Variants in CDH2 observed in about 807,000 individuals in gnomAD.
CDH2 encodes cadherin-2.
CDH2 carries 17 observed loss-of-function variants against 92.0 expected under a neutral mutation model. The ratio of observed to expected loss-of-function variants is 0.18; its 90% CI spans 0.13 to 0.28. CDH2 has a LOEUF of 0.28. Ranked by LOEUF, CDH2 falls within the 10% of genes least tolerant of loss-of-function variation. The pLI is 1.00. For missense variants in CDH2, 862 were observed against 1,133.1 expected (o/e 0.76, Z 3.44); for synonymous variants, 419 against 415.9 (o/e 1.01, Z -0.09).
chr18:27,952,529 T>C (rs1909511941), intron 15 of CDH2, among the ~76,000 whole-genome samples, 170 bp from the exon 16 acceptor site: 1 of 152,038 alleles, frequency 6.6e-6, no homozygotes, highest in African/African-American at 2.4e-5. Flanking sequence ...CATTTGAAAG[T>C]TGGACAAAAA....
In CDH2 at chr18:27,993,710, G is replaced by A. The variant is rs17498092; in HGVS notation, c.1021-73C>T. On this transcript the variant is annotated intron_variant, in intron 7 of 15. Coordinates refer to ENST00000269141, the MANE Select transcript of CDH2 (RefSeq NM_001792.5). Reference sequence around the variant, plus strand: ...AAGACATAACAGTTGTTCTGTAAACGGCTCTTTATAATGCAAGGAGAGCAT... The same window carrying A: ...AAGACATAACAGTTGTTCTGTAAACAGCTCTTTATAATGCAAGGAGAGCAT... 2.3e-5 allele frequency: 27 copies of A among 1,166,364 alleles called. No individual in the cohort carries two copies. The East Asian group carries it at 5.9e-4, about 26-fold the overall frequency. The allele number at this position is 1,166,364 out of a possible 1,614,324, so 72.3% of individuals were successfully genotyped here. A position where few individuals can be genotyped will look rare whatever the true frequency, so the allele number is the denominator to read the frequency against.
intron 2 of CDH2, among the ~76,000 whole-genome samples, chr18:28,019,714 T>C (rs963477245): frequency 4.6e-5 from 7 of 152,108 alleles, no homozygotes; most frequent in Admixed American, 1.3e-4. Context: ...CCAATATGAA[T>C]TGGTTTAATA....
intron 2 of CDH2, among the ~76,000 whole-genome samples, chr18:28,027,295 A>G (rs906384056): frequency 1.2e-4 from 18 of 151,946 alleles, no homozygotes; most frequent in African/African-American, 4.3e-4. Flanking sequence ...TCAGAATCAA[A>G]CTTGTTGTAG....
chr18:27,973,611 T>C (rs543465376), intron 14 of CDH2, among the ~76,000 whole-genome samples: 10 of 152,104 alleles, frequency 6.6e-5, no homozygotes, highest in Non-Finnish European at 1.5e-4. Flanking sequence ...GTGGGTGAGG[T>C]AAAAAGGGTT....
chr18:27,991,020 T>C (rs1383456700), intron 9 of CDH2, among the ~76,000 whole-genome samples: 4 of 152,126 alleles, frequency 2.6e-5, no homozygotes, highest in Non-Finnish European at 4.4e-5. Context: ...TATTGGTCTG[T>C]AAAACCCCCA....
intron 7 of CDH2, among the ~76,000 whole-genome samples, chr18:27,994,731 C>A (rs1377714161): frequency 6.6e-6 from 1 of 151,858 alleles, no homozygotes; most frequent in Non-Finnish European, 1.5e-5. Context: ...ATTTCTGGAG[C>A]TTAGATAGAA....
rs200798903 is a variant in CDH2 at position 28,003,124 on chromosome 18, T to A, written c.893A>T (p.Asn298Ile). The A allele has an allele frequency of 6.8e-6, 11 of 1,613,032 alleles. No individual in the cohort carries two copies. Among genetic ancestry groups the A allele is most frequent in the Admixed American group, 1.7e-5 (1 of 59,996 alleles). The change falls in exon 7 of 16, where the codon AAT (asparagine) becomes ATT (isoleucine). Residue 298 changes from asparagine (N) to isoleucine (I), a missense_variant. By Grantham distance (149) the Asn-to-Ile change is moderately radical. Transcript: ENST00000269141. ...TVTAIDADDP[N>I]ALNGMLRYRI... Reference sequence around the variant, plus strand: ...GTACCTCAACATCCCATTGAGGGCATTGGGATCGTCAGCATCAATTGCTGT... The same window carrying A: ...GTACCTCAACATCCCATTGAGGGCAATGGGATCGTCAGCATCAATTGCTGT...
chr18:28,107,783 C>T (rs1487434926), intron 2 of CDH2, among the ~76,000 whole-genome samples: 1 of 151,740 alleles, frequency 6.6e-6, no homozygotes, highest in Non-Finnish European at 1.5e-5. Context: ...TTTAATTAGC[C>T]ATTTAAAAAA....
intron 2 of CDH2, among the ~76,000 whole-genome samples, chr18:28,056,469 T>G (rs2014295802): frequency 2.0e-5 from 3 of 152,168 alleles, no homozygotes; most frequent in Admixed American, 6.5e-5. Context: ...GCGCTTCATT[T>G]TGTCTTTCTT....
At chr18:28,001,033 T>C (rs573519900) in intron 7 of CDH2, among the ~76,000 whole-genome samples, 1 of 152,250 alleles carries the variant, frequency 6.6e-6, no homozygotes, top group Admixed American at 6.5e-5. Flanking sequence ...AAGGAAGGTT[T>C]TCCATAATTT....
Position 27,985,636 on chromosome 18 carries a change from T to C in CDH2, c.1867A>G (p.Ile623Val), listed in dbSNP as rs758709494. 6 of 1,613,812 alleles carry C rather than the reference T, an allele frequency of 3.7e-6. No homozygotes were observed. The highest frequency in any genetic ancestry group is 4.2e-6 in the Non-Finnish European group (5 of 1,179,810). ...TCAATGTCATAATCAAGTGCTGTAATATTAATTGAATTGGGGTCTGGAGTT... is the reference window on the plus strand; with the variant it reads ...TCAATGTCATAATCAAGTGCTGTAACATTAATTGAATTGGGGTCTGGAGTT... ...CETPDPNSINITALDYDIDPN... is the reference protein window; with the variant it reads ...CETPDPNSINVTALDYDIDPN... Residue 623 changes from isoleucine (I) to valine (V), a missense_variant, in exon 12 of 16, where the codon ATT becomes GTT. Ile to Val is a conservative substitution (Grantham distance 29). Coordinates refer to ENST00000269141, the MANE Select transcript of CDH2 (RefSeq NM_001792.5).
intron 1 of CDH2, among the ~76,000 whole-genome samples, chr18:28,151,500 C>A (rs1292520723): frequency 6.6e-6 from 1 of 152,200 alleles, no homozygotes; most frequent in East Asian, 1.9e-4. Context: ...AAAACCTGTT[C>A]TACAGCAACA....
intron 14 of CDH2, among the ~76,000 whole-genome samples, chr18:27,973,439 TA>T (rs545956986): frequency 2.6e-5 from 4 of 152,174 alleles, no homozygotes; most frequent in Non-Finnish European, 5.9e-5. Flanking sequence ...TTTCTTCAGA[TA>T]AAGGAAAGCT....
downstream of CDH2, among the ~76,000 whole-genome samples, chr18:27,950,533 C>T (rs934182554): frequency 6.6e-6 from 1 of 152,112 alleles, no homozygotes; most frequent in South Asian, 2.1e-4. Flanking sequence ...ATGAATTGCA[C>T]AAGAATTCCA....
chr18:27,987,057 T>A (rs959944087), intron 11 of CDH2, among the ~76,000 whole-genome samples: 1 of 152,254 alleles, frequency 6.6e-6, no homozygotes, highest in Non-Finnish European at 1.5e-5. Context: ...TTATAACAGG[T>A]CACTTCTCTC....
intron 2 of CDH2, among the ~76,000 whole-genome samples, chr18:28,055,478 A>C (rs2014273373): frequency 6.6e-6 from 1 of 152,214 alleles, no homozygotes; most frequent in Non-Finnish European, 1.5e-5. Context: ...GGTAATTGAA[A>C]GAGTGATAGT....
intron 2 of CDH2, among the ~76,000 whole-genome samples, chr18:28,089,153 T>C (rs2014991884): frequency 6.6e-6 from 1 of 152,118 alleles, no homozygotes; most frequent in South Asian, 2.1e-4. Flanking sequence ...TGGAAAAGCC[T>C]GCTTATAATA....
intron 2 of CDH2, among the ~76,000 whole-genome samples, chr18:28,054,833 A>G (rs948966959): frequency 1.3e-5 from 2 of 152,114 alleles, no homozygotes; most frequent in African/African-American, 4.8e-5. Flanking sequence ...TCTTGTCATA[A>G]TCTTTGCTAT....
rs1222252940 is a variant in CDH2, at chr18:27,952,288, G to A, written c.2586C>T (p.Gly862=). ...YDSLLVFDYE[G]SGSTAGSLSS... is the part of the protein sequence containing the mutation. ...TCAAGGACCCAGCAGTGGAGCCACTGCCTTCATAGTCAAACACTAACAGGG... is the reference window on the plus strand; with the variant it reads ...TCAAGGACCCAGCAGTGGAGCCACTACCTTCATAGTCAAACACTAACAGGG... The change falls in exon 16 of 16, where the codon GGC becomes GGT. Residue 862 remains glycine (G), a synonymous_variant. Coordinates refer to ENST00000269141, the MANE Select transcript of CDH2 (RefSeq NM_001792.5). 6.2e-7 allele frequency: 1 copy of A among 1,613,528 alleles called. No individual in the cohort carries two copies. Among genetic ancestry groups the A allele is most frequent in the African/African-American group, 1.3e-5 (1 of 74,886 alleles).
Sources: gnomAD v4.1 joint callset for allele counts (sites outside exome capture counted in the v4.1 genomes callset) on GRCh38, gnomAD v4.1.1 for gene constraint, MANE v1.5 for transcripts, NCBI Gene and HGNC (gene_info 2026-07-23, HGNC 2026-07-21) for gene names.